The following ANK2 variants were observed in gnomAD, a reference collection of about 807,000 sequenced individuals.
ANK2 encodes ankyrin-2.
In ANK2, 83 loss-of-function variants were observed where a neutral mutation model predicts 360.5. The observed-to-expected ratio is 0.23, with a 90% CI of 0.19 to 0.28. The LOEUF (loss-of-function observed/expected upper bound fraction) is 0.28. Ranked by LOEUF, ANK2 falls within the 10% of genes least tolerant of loss-of-function variation. The pLI is 1.00. For synonymous variants in ANK2, 1,740 were observed against 1,759.5 expected, an observed-to-expected ratio of 0.99 and a Z score of 0.28; for missense variants, 4,201 against 4,795.7, an observed-to-expected ratio of 0.88 and a Z score of 3.66.
the ANK2 span, chr4:112,788,554 C>T: frequency 2.5e-6 from 4 of 1,588,134 alleles, no homozygotes; most frequent in African/African-American, 4.0e-5. Context: ...GCCTTCTTCT[C>T]TTGCTTTGTC....
chr4:113,305,796 C>T (rs985602041), intron 23 of ANK2, among the ~76,000 whole-genome samples: 3 of 152,160 alleles, frequency 2.0e-5, no homozygotes, highest in African/African-American at 4.8e-5. Flanking sequence ...GTTTTCTCTA[C>T]AGTCTATTGT....
chr4:113,376,591 G>A (rs909394812), intron 45 of ANK2, among the ~76,000 whole-genome samples: 1 of 151,996 alleles, frequency 6.6e-6, no homozygotes, highest in African/African-American at 2.4e-5. Context: ...TCTTCCTTCT[G>A]CAATAATAAA....
chr4:112,989,519 G>GCAGC (rs774220668), intron 2 of ANK2, among the ~76,000 whole-genome samples: 1 of 152,214 alleles, frequency 6.6e-6, no homozygotes, highest in Non-Finnish European at 1.5e-5. Context: ...TCTGACAGGT[G>GCAGC]CAGCAGCCTC....
At chr4:113,374,845 G>T in intron 45 of ANK2, 1 of 1,274,424 alleles carries the variant, frequency 7.8e-7, no homozygotes. Flanking sequence ...AGTCAGCAAA[G>T]TTGTTAAAAC....
chr4:112,788,888 C>A, the ANK2 span: 1 of 694,674 alleles, frequency 1.4e-6, no homozygotes, highest in Admixed American at 2.5e-5. Context: ...TCTTGGGCTG[C>A]GGGAGGAGAG....
chr4:113,152,352 C>G (rs2097128564), intron 1 of ANK2: 1 of 152,190 alleles, frequency 6.6e-6, no homozygotes, highest in South Asian at 2.1e-4. Context: ...TTGCTTCCTT[C>G]CCACACAGAC....
At chr4:113,344,663 T>C (rs2094633304) in intron 34 of ANK2, among the ~76,000 whole-genome samples, 1 of 152,036 alleles carries the variant, frequency 6.6e-6, no homozygotes, top group Non-Finnish European at 1.5e-5. Context: ...ACAAACAAAA[T>C]GCGGTATACA....
At chr4:113,361,466 G>A (rs1269393141) in intron 39 of ANK2, among the ~76,000 whole-genome samples, 1 of 149,642 alleles carries the variant, frequency 6.7e-6, no homozygotes, top group Non-Finnish European at 1.5e-5. Context: ...ATTATGAATT[G>A]TATGTTTTAA....
chr4:113,277,382 T>C (rs1308372834), intron 15 of ANK2, among the ~76,000 whole-genome samples: 1 of 152,232 alleles, frequency 6.6e-6, no homozygotes. Flanking sequence ...TTGTTTTTAC[T>C]ATGGCTGCCA....
intron 1 of ANK2, among the ~76,000 whole-genome samples, chr4:112,841,041 G>A (rs778958062): frequency 3.3e-5 from 5 of 152,148 alleles, no homozygotes; most frequent in Non-Finnish European, 7.4e-5. Flanking sequence ...CCTGACAACT[G>A]CCTTCTTAAA....
Position 113,348,284 on chromosome 4 carries a change from G to C in ANK2, c.4380G>C (p.Glu1460Asp), listed in dbSNP as rs2095104439. The change falls in exon 36 of 46, where the codon GAG becomes GAC. Residue 1460 changes from glutamate to aspartate, a missense_variant. Physicochemically the swap from Glu to Asp is conservative, Grantham distance 45. Transcript: ENST00000357077. ...ITLPIYTKES[E>D]SDQEQEEEID... The stretch of plus-strand genomic sequence containing the variant: ...CATCTTGGGGCGGAAAGGAATCAGA[G>C]TCAGATCAAGAACAGGAGGAAGAGG... 1 of 1,613,302 alleles carries C rather than the reference G, an allele frequency of 6.2e-7. No individual in the cohort carries two copies. The highest frequency in any genetic ancestry group is 8.5e-7 in the Non-Finnish European group (1 of 1,179,576).
At chr4:113,024,779 G>A (rs769624659) in intron 2 of ANK2, among the ~76,000 whole-genome samples, 1 of 152,050 alleles carries the variant, frequency 6.6e-6, no homozygotes, top group South Asian at 2.1e-4. Flanking sequence ...CACAATTTAG[G>A]TTATTGGTTC....
At chr4:113,067,140 G>GTT (rs11458723) in intron 1 of ANK2, among the ~76,000 whole-genome samples, 3 of 151,830 alleles carry the variant, frequency 2.0e-5, no homozygotes, top group African/African-American at 4.8e-5. Flanking sequence ...ATGGCGAGAT[G>GTT]TTTTTTTGTC....
At chr4:113,321,467 C>A (rs1369711145) in intron 26 of ANK2, among the ~76,000 whole-genome samples, 2 of 152,186 alleles carry the variant, frequency 1.3e-5, no homozygotes, top group East Asian at 3.8e-4. Flanking sequence ...TTTCAACAAA[C>A]ACAATGCATT....
chr4:112,936,322 G>A (rs2093710535), intron 2 of ANK2, among the ~76,000 whole-genome samples: 1 of 151,982 alleles, frequency 6.6e-6, no homozygotes. Flanking sequence ...CACTTTCTAT[G>A]TGCTAGATAC....
chr4:113,097,866 GTA>G (rs1376914844), intron 1 of ANK2, among the ~76,000 whole-genome samples: 11 of 108,812 alleles, frequency 1.0e-4, no homozygotes, highest in South Asian at 7.8e-4. Flanking sequence ...GTGTGTGTGT[GTA>G]TATATATGCA....
intron 31 of ANK2, 99 bp downstream of exon 31, chr4:113,336,880 C>T: frequency 9.0e-7 from 1 of 1,116,336 alleles, no homozygotes; most frequent in Non-Finnish European, 1.4e-6. Flanking sequence ...TCTGCAGGGT[C>T]ATATGCATTA....
chr4:112,971,865 T>TC (rs1486243219), intron 2 of ANK2, among the ~76,000 whole-genome samples: 1 of 152,186 alleles, frequency 6.6e-6, no homozygotes, highest in East Asian at 1.9e-4. Context: ...AACATTAAAA[T>TC]CCACCCAGGG....
chr4:113,320,971 C>G (rs1021159366), intron 26 of ANK2, among the ~76,000 whole-genome samples: 1 of 152,174 alleles, frequency 6.6e-6, no homozygotes, highest in Non-Finnish European at 1.5e-5. Flanking sequence ...AACATCTAGC[C>G]TCTGCCTTTA....
Sources: gnomAD v4.1 joint callset for allele counts (sites outside exome capture counted in the v4.1 genomes callset) on GRCh38, gnomAD v4.1.1 for gene constraint, MANE v1.5 for transcripts, NCBI Gene and HGNC (gene_info 2026-07-23, HGNC 2026-07-21) for gene names.